The following OSBPL8 variants were observed in gnomAD, a reference collection of about 807,000 sequenced individuals.
OSBPL8 encodes oxysterol binding protein like 8.
A neutral mutation model predicts 125.5 loss-of-function variants in OSBPL8; 59 were observed. The ratio of observed to expected loss-of-function variants is 0.47; its 90% CI spans 0.38 to 0.58. The LOEUF is 0.58. OSBPL8 is among the 20% of genes least tolerant of loss of function. The pLI is 0.00. For missense variants in OSBPL8, 758 were observed against 1,047.8 expected (o/e 0.72, Z 3.82); for synonymous variants, 330 against 338.9 (o/e 0.97, Z 0.29).
intron 21 of OSBPL8, chr12:76,366,660 T>C (rs1952428134): frequency 2.5e-6 from 1 of 404,114 alleles, no homozygotes; most frequent in Non-Finnish European, 4.8e-6. Flanking sequence ...TCTCTTAATG[T>C]AGATGTTCAC....
chr12:76,398,943 A>C (rs1953936564), intron 7 of OSBPL8, among the ~76,000 whole-genome samples: 1 of 152,222 alleles, frequency 6.6e-6, no homozygotes, highest in Admixed American at 6.5e-5. Flanking sequence ...ATCAGAAGGA[A>C]GGTAAGGCAG....
chr12:76,509,404 T>C (rs984623104), intron 1 of OSBPL8, among the ~76,000 whole-genome samples: 4 of 152,196 alleles, frequency 2.6e-5, no homozygotes, highest in Non-Finnish European at 4.4e-5. Context: ...GAAAATCTAA[T>C]ATAATGAGAG....
At chr12:76,398,718 C>A (rs189582576) in intron 7 of OSBPL8, among the ~76,000 whole-genome samples, 1 of 152,078 alleles carries the variant, frequency 6.6e-6, no homozygotes, top group Non-Finnish European at 1.5e-5. Context: ...TGAAATAATA[C>A]AGGATTCCTT....
At chr12:76,443,743 G>T (rs965283387) in intron 4 of OSBPL8, among the ~76,000 whole-genome samples, 1 of 152,090 alleles carries the variant, frequency 6.6e-6, no homozygotes, top group Admixed American at 6.6e-5. Context: ...CTGACCCCAG[G>T]TTATCTGCCC....
At chr12:76,370,325 C>T (rs75683846) in intron 19 of OSBPL8, among the ~76,000 whole-genome samples, 5,458 of 152,056 alleles carry the variant, frequency 0.036, 360 homozygotes, top group African/African-American at 0.12. Context: ...TAAATGTTTC[C>T]CCAAAATATT....
At chr12:76,394,788 TTACAC>T in intron 8 of OSBPL8, 59 bp from the exon 9 acceptor site, 1 of 1,178,420 alleles carries the variant, frequency 8.5e-7, no homozygotes, top group Non-Finnish European at 1.2e-6. Context: ...GATCTCATCT[TTACAC>T]TATCCAATAT....
chr12:76,534,222 C>T (rs1950427968), intron 1 of OSBPL8: 1 of 152,146 alleles, frequency 6.6e-6, no homozygotes, highest in African/African-American at 2.4e-5. Flanking sequence ...TTGGCAACTG[C>T]CATTACAGTA....
intron 1 of OSBPL8, among the ~76,000 whole-genome samples, chr12:76,519,376 T>C (rs1881853573): frequency 6.6e-6 from 1 of 152,166 alleles, no homozygotes; most frequent in South Asian, 2.1e-4. Flanking sequence ...CTGTCCATAT[T>C]TCTATCAGTA....
intron 1 of OSBPL8, among the ~76,000 whole-genome samples, chr12:76,491,882 C>G (rs1878753712): frequency 6.6e-6 from 1 of 152,050 alleles, no homozygotes; most frequent in South Asian, 2.1e-4. Flanking sequence ...AACAAAATAT[C>G]ATAAGCAGCT....
intron 21 of OSBPL8, among the ~76,000 whole-genome samples, chr12:76,360,180 G>C (rs1007505557): frequency 1.3e-5 from 2 of 152,202 alleles, no homozygotes; most frequent in Non-Finnish European, 2.9e-5. Context: ...AGATACAATG[G>C]GGGTACAGGC....
chr12:76,369,114 C>T, intron 21 of OSBPL8, 100 bp downstream of exon 21: 1 of 1,453,282 alleles, frequency 6.9e-7, no homozygotes. Flanking sequence ...TTTGCTCACC[C>T]AAAATTTTAA....
intron 3 of OSBPL8, among the ~76,000 whole-genome samples, chr12:76,452,154 T>C (rs1338874723): frequency 6.6e-6 from 1 of 152,192 alleles, no homozygotes; most frequent in African/African-American, 2.4e-5. Context: ...CCATAGGTTT[T>C]ATTTTTCAAT....
chr12:76,353,131 T>C lies in OSBPL8; in HGVS notation c.*2758A>G, dbSNP rs1350835357. ...AAAAGCATGAATATTAAATGAGAGT[T>C]GTATTTTACAAGGCCAACTTTTCAA... On this transcript the variant is annotated 3_prime_UTR_variant, in exon 24 of 24. Transcript: ENST00000261183. The C allele has an allele frequency of 6.6e-6, 1 of 152,402 alleles. No homozygotes were observed. Among genetic ancestry groups the C allele is most frequent in the African/African-American group, 2.4e-5 (1 of 41,440 alleles). 9.4% of individuals were successfully genotyped at this position (152,402 alleles called of 1,614,324 possible). A position where few individuals can be genotyped will look rare whatever the true frequency, so the allele number is the denominator to read the frequency against.
chr12:76,484,292 C>A (rs1278545741), intron 2 of OSBPL8, among the ~76,000 whole-genome samples: 1 of 152,160 alleles, frequency 6.6e-6, no homozygotes, highest in Non-Finnish European at 1.5e-5. Flanking sequence ...TGCTCATTTT[C>A]AATCCTATGA....
At chr12:76,473,193 G>A (rs954269287) in intron 2 of OSBPL8, among the ~76,000 whole-genome samples, 12 of 152,082 alleles carry the variant, frequency 7.9e-5, no homozygotes, top group Middle Eastern at 3.2e-3. Flanking sequence ...ATTATAGAGC[G>A]AGGATTATTA....
At chr12:76,499,315 T>TATCC (rs1879626083) in intron 1 of OSBPL8, among the ~76,000 whole-genome samples, 1 of 108,580 alleles carries the variant, frequency 9.2e-6, no homozygotes, top group African/African-American at 3.7e-5. Context: ...TCTATCTATC[T>TATCC]ATCTATCTAT....
chr12:76,364,948 G>A (rs1391235353), intron 21 of OSBPL8, among the ~76,000 whole-genome samples: 2 of 152,068 alleles, frequency 1.3e-5, no homozygotes, highest in Non-Finnish European at 2.9e-5. Flanking sequence ...TCTGTAGGTT[G>A]CTTTTAGTAG....
chr12:76,485,311 C>A (rs952406115), intron 2 of OSBPL8, among the ~76,000 whole-genome samples: 1 of 152,092 alleles, frequency 6.6e-6, no homozygotes, highest in Non-Finnish European at 1.5e-5. Flanking sequence ...GTAGCTCATG[C>A]CTGTAATCCC....
intron 10 of OSBPL8, among the ~76,000 whole-genome samples, chr12:76,391,333 T>G (rs1953546506): frequency 6.6e-6 from 1 of 152,116 alleles, no homozygotes; most frequent in African/African-American, 2.4e-5. Flanking sequence ...TTAAAGTGAT[T>G]AGGGCAAAAA....
Sources: gnomAD v4.1 joint callset for allele counts (sites outside exome capture counted in the v4.1 genomes callset) on GRCh38, gnomAD v4.1.1 for gene constraint, MANE v1.5 for transcripts, NCBI Gene and HGNC (gene_info 2026-07-23, HGNC 2026-07-21) for gene names.